Variants in NUP210 observed in about 807,000 individuals in gnomAD.
NUP210 encodes the protein nucleoporin 210.
In NUP210, 151 loss-of-function variants were observed where a neutral mutation model predicts 196.0. The ratio of observed to expected loss-of-function variants is 0.77; its 90% CI spans 0.67 to 0.88. NUP210 has a LOEUF of 0.88. Ranked by LOEUF, NUP210 falls within the 40% of genes least tolerant of loss-of-function variation. The pLI, the probability that NUP210 is intolerant of heterozygous loss-of-function variation, is 0.00. For missense variants in NUP210, 2,314 were observed against 2,493.7 expected (o/e 0.93, Z 1.53); for synonymous variants, 1,070 against 1,052.7 (o/e 1.02, Z -0.32).
At chr3:13,377,405 A>C in intron 9 of NUP210, 51 bp downstream of exon 9, 1 of 1,359,300 alleles carries the variant, frequency 7.4e-7, no homozygotes, top group Non-Finnish European at 1.0e-6. Context: ...CAGCCGCGTC[A>C]GACAACGACC....
intron 6 of NUP210, among the ~76,000 whole-genome samples, chr3:13,381,428 T>G (rs1456036839): frequency 6.6e-6 from 1 of 150,748 alleles, no homozygotes; most frequent in Admixed American, 6.6e-5. Context: ...TTCTTTTTTT[T>G]TTTTTTTAGA....
At chr3:13,334,678 G>T (rs1697136529) in intron 28 of NUP210, among the ~76,000 whole-genome samples, 1 of 152,176 alleles carries the variant, frequency 6.6e-6, no homozygotes, top group East Asian at 1.9e-4. Context: ...GCAGAACGAG[G>T]CCCTTGAAGA....
At chr3:13,412,332 T>G (rs932283967) in intron 1 of NUP210, among the ~76,000 whole-genome samples, 1 of 147,704 alleles carries the variant, frequency 6.8e-6, no homozygotes, top group Admixed American at 6.9e-5. Flanking sequence ...CCTCCCAAAG[T>G]GCTGGGATTA....
In NUP210 at chr3:13,397,369, G is replaced by A; in HGVS notation, c.424C>T (p.Leu142=). 6.2e-7 allele frequency: 1 copy of A among 1,610,584 alleles called. No individual in the cohort carries two copies. Among genetic ancestry groups the A allele is most frequent in the Non-Finnish European group, 8.5e-7 (1 of 1,178,798 alleles). The change falls in exon 3 of 40, where the codon CTG becomes TTG. Residue 142 remains leucine (L), a synonymous_variant. Transcript: ENST00000254508. ...DSPLELKIQA[L]DSEGNTFSTL... is the part of the protein sequence containing the mutation. ...GGGACGTTCTCACCTTCGGAGTCCA[G>A]GGCCTGGATCTTCAGCTCCAGGGGG...
rs939805687 is a variant in NUP210, at chr3:13,347,278, C to T, written c.2836-3975G>A. On this transcript the variant is annotated intron_variant, in intron 20 of 39. Coordinates refer to ENST00000254508, the MANE Select transcript of NUP210 (RefSeq NM_024923.4). This position sits in a 1 kb window ranked among gnomAD's most constrained non-coding sequence, Gnocchi z 4.7. ...ACCTGGCACACGATAAGCACTCCAG[C>T]GTCTCTGAGTGCACGAGTTAATGGG... 21 of 985,050 alleles carry T rather than the reference C, an allele frequency of 2.1e-5. No homozygotes were observed. Among genetic ancestry groups the T allele is most frequent in the South Asian group, 9.4e-5 (2 of 21,286 alleles). 61.0% of individuals were successfully genotyped at this position (985,050 alleles called of 1,614,324 possible).
chr3:13,347,890 G>A lies in NUP210; in HGVS notation c.2835+3989C>T, dbSNP rs1211664413. The stretch of plus-strand genomic sequence containing the variant: ...GGAACCAGGGCCTGATTGGAGTTGC[G>A]AGAGTCTTTGGCACAAGCCTGAAAT... On this transcript the variant is annotated intron_variant, in intron 20 of 39. Coordinates refer to ENST00000254508, the MANE Select transcript of NUP210 (RefSeq NM_024923.4). This position sits in a 1 kb window ranked among gnomAD's most constrained non-coding sequence, Gnocchi z 4.7. Among the ~76,000 whole-genome samples, 8 of 152,196 alleles carry A rather than the reference G, an allele frequency of 5.3e-5. No homozygotes were observed. The highest frequency in any genetic ancestry group is 1.9e-4 in the East Asian group (1 of 5,190).
chr3:13,337,464 T>A (rs1202939405), intron 26 of NUP210, among the ~76,000 whole-genome samples: 1 of 152,252 alleles, frequency 6.6e-6, no homozygotes, highest in Non-Finnish European at 1.5e-5. Flanking sequence ...TTAAGCTTTC[T>A]GTGTGTTCAT....
At chr3:13,368,024 T>C (rs1373140750) in intron 13 of NUP210, among the ~76,000 whole-genome samples, 1 of 152,218 alleles carries the variant, frequency 6.6e-6, no homozygotes, top group Non-Finnish European at 1.5e-5. Context: ...GTTGTGTCAA[T>C]TTACACTGCT....
rs1697832679 is a variant in NUP210 at position 13,348,342 on chromosome 3, T to G, written c.2835+3537A>C. The G allele has an allele frequency of 1.0e-6, 1 of 982,986 alleles. No individual in the cohort carries two copies. Among genetic ancestry groups the G allele is most frequent in the Non-Finnish European group, 1.2e-6 (1 of 827,760 alleles). The allele number at this position is 982,986 out of a possible 1,614,324, so 60.9% of individuals were successfully genotyped here. ...TCCATCACCGACCTCTAGGAACTCT[T>G]GTTCTTGGAGTAAAGGTCTCCCTCT... On this transcript the variant is annotated intron_variant, in intron 20 of 39. Transcript: ENST00000254508. The surrounding 1 kb of genome is among the most constrained non-coding windows in gnomAD (Gnocchi z 4.0).
At chr3:13,342,277 C>T (rs960671004) in intron 21 of NUP210, among the ~76,000 whole-genome samples, 154 bp from the exon 22 acceptor site, 4 of 152,136 alleles carry the variant, frequency 2.6e-5, no homozygotes, top group Non-Finnish European at 4.4e-5. Flanking sequence ...GACTATCAGC[C>T]AGTCAGCAAA....
chr3:13,363,261 G>A (rs2046190), intron 14 of NUP210, among the ~76,000 whole-genome samples: 88,154 of 151,982 alleles, frequency 0.58, 26,736 homozygotes, highest in African/African-American at 0.76. Context: ...ACTAAACCAA[G>A]CTAACCCAGC....
intron 27 of NUP210, among the ~76,000 whole-genome samples, chr3:13,336,029 G>A (rs963696915): frequency 6.6e-6 from 1 of 152,234 alleles, no homozygotes; most frequent in African/African-American, 2.4e-5. Flanking sequence ...GTGTTCCATG[G>A]GAGCAATCTG....
chr3:13,362,896 T>C (rs1242673624), intron 14 of NUP210, among the ~76,000 whole-genome samples: 1 of 152,178 alleles, frequency 6.6e-6, no homozygotes. Context: ...TGAGCCTGTC[T>C]GAAGCAGGGT....
At chr3:13,322,473 G>A (rs535537879) in intron 34 of NUP210, 134 bp from the exon 35 acceptor site, 26 of 944,516 alleles carry the variant, frequency 2.8e-5, no homozygotes, top group East Asian at 5.0e-5. Context: ...GCCCCAGGGC[G>A]GCTCAAAGCT....
intron 1 of NUP210, 112 bp downstream of exon 1, chr3:13,419,948 G>T: frequency 1.6e-6 from 1 of 631,516 alleles, no homozygotes; most frequent in Non-Finnish European, 2.0e-6. Flanking sequence ...CGCCCAGCGA[G>T]AGCGCGCCGC....
In NUP210 at chr3:13,360,311, G is replaced by A. The variant is rs2046045631; in HGVS notation, c.2113C>T (p.Gln705Ter). The change falls in exon 15 of 40, where the codon CAA becomes TAA. Residue 705 changes from glutamine (Q) to a stop codon, truncating the protein, a stop_gained. Coordinates refer to ENST00000254508, the MANE Select transcript of NUP210 (RefSeq NM_024923.4). LOFTEE classifies it high-confidence loss of function. ...TGACAGGTCACAAGGATCCAGTGTT[G>A]CTGATAATTCCGGGAGGAATGGGGG... Reference protein sequence around the residue: ...FAPHSSRNYQQHWILVTCQAL... With the variant: ...FAPHSSRNYQ 4 of 1,614,102 alleles carry A rather than the reference G, an allele frequency of 2.5e-6. No individual in the cohort carries two copies. The highest frequency in any genetic ancestry group is 3.4e-6 in the Non-Finnish European group (4 of 1,180,050).
At chr3:13,337,391 C>G (rs1009581018) in intron 26 of NUP210, among the ~76,000 whole-genome samples, 2 of 152,236 alleles carry the variant, frequency 1.3e-5, no homozygotes, top group African/African-American at 2.4e-5. Context: ...AGGTGTTGTG[C>G]CAGGCTGCCC....
chr3:13,374,269 G>A (rs182822983), intron 11 of NUP210, among the ~76,000 whole-genome samples: 13 of 152,046 alleles, frequency 8.6e-5, no homozygotes, highest in African/African-American at 2.9e-4. Context: ...CTCACCATTC[G>A]CACCCACGGT....
intron 1 of NUP210, among the ~76,000 whole-genome samples, chr3:13,416,201 C>T (rs141789555): frequency 2.6e-5 from 4 of 152,264 alleles, no homozygotes; most frequent in East Asian, 3.9e-4. Context: ...GCCTGGCACA[C>T]GTGTTAGATG....
Sources: gnomAD v4.1 joint callset for allele counts (sites outside exome capture counted in the v4.1 genomes callset) on GRCh38, gnomAD v4.1.1 for gene constraint, Gnocchi (gnomAD v3.1) non-coding constraint, MANE v1.5 for transcripts, NCBI Gene and HGNC (gene_info 2026-07-23, HGNC 2026-07-21) for gene names.